Variants in DAPK1 observed in about 807,000 individuals in gnomAD.
DAPK1 encodes death associated protein kinase 1, also known as death-associated protein kinase 1.
Under a neutral mutation model 144.9 loss-of-function variants are expected in DAPK1, and 56 were observed. The observed-to-expected ratio is 0.39, with a 90% CI of 0.31 to 0.48. The LOEUF (loss-of-function observed/expected upper bound fraction) is 0.48, where lower values mean the gene tolerates loss of function less well. Ranked by LOEUF, DAPK1 falls within the 20% of genes least tolerant of loss-of-function variation. The probability of loss-of-function intolerance (pLI) is 0.95; values close to 1 mark genes in which losing one functional copy is unlikely to be tolerated. For synonymous variants in DAPK1, 690 were observed against 749.0 expected (o/e 0.92, Z 1.29); for missense variants, 1,454 against 1,875.4 (o/e 0.78, Z 4.15).
At chr9:87,650,769 T>C (rs1213170698) in intron 16 of DAPK1, among the ~76,000 whole-genome samples, 2 of 152,218 alleles carry the variant, frequency 1.3e-5, no homozygotes, top group African/African-American at 4.8e-5. Flanking sequence ...GGGGATACTT[T>C]CTGGTTGTCA....
At chr9:87,634,970 G>A (rs955212277) in intron 3 of DAPK1, among the ~76,000 whole-genome samples, 1 of 152,188 alleles carries the variant, frequency 6.6e-6, no homozygotes, top group Admixed American at 6.5e-5. Flanking sequence ...GTCGCTACAT[G>A]TCCTGGAACC....
At position 87,679,593 on chromosome 9, in the gene DAPK1, A is replaced by G. The variant is rs536336269; in HGVS notation, c.2002-1811A>G. 3.9e-5 allele frequency among the ~76,000 whole-genome samples: 6 copies of G among 152,206 alleles called. No homozygotes were observed. In the South Asian group the frequency reaches 1.2e-3, roughly 32 times the overall value. On this transcript the variant is annotated intron_variant, in intron 19 of 25. Coordinates refer to ENST00000408954, the MANE Select transcript of DAPK1 (RefSeq NM_004938.4). ...GCTCTTACTTGGTATTAGATGTGAA[A>G]TTGTTCACATGTCTGTATCTCCCCA...
At chr9:87,520,464 G>A (rs141346864) in intron 2 of DAPK1, among the ~76,000 whole-genome samples, 2 of 152,268 alleles carry the variant, frequency 1.3e-5, no homozygotes, top group East Asian at 3.9e-4. Flanking sequence ...TTGTTCTCTG[G>A]GTTGCACTTC....
chr9:87,702,231 A>G (rs1825479917), intron 24 of DAPK1, among the ~76,000 whole-genome samples: 1 of 152,220 alleles, frequency 6.6e-6, no homozygotes, highest in Non-Finnish European at 1.5e-5. Context: ...GGAGTGCGGA[A>G]TTAATGGCAC....
At chr9:87,603,984 G>A (rs1828619367) in intron 2 of DAPK1, among the ~76,000 whole-genome samples, 1 of 152,186 alleles carries the variant, frequency 6.6e-6, no homozygotes, top group Non-Finnish European at 1.5e-5. Context: ...AGCCATAAAA[G>A]GAATTTATTG....
intron 3 of DAPK1, among the ~76,000 whole-genome samples, chr9:87,615,483 C>T (rs1339239385): frequency 1.3e-5 from 2 of 152,208 alleles, no homozygotes; most frequent in African/African-American, 2.4e-5. Flanking sequence ...ACCTGGTCTT[C>T]CCTGGACGAC....
intron 2 of DAPK1, among the ~76,000 whole-genome samples, chr9:87,550,971 G>A (rs1333211256): frequency 6.6e-6 from 1 of 152,140 alleles, no homozygotes; most frequent in African/African-American, 2.4e-5. Flanking sequence ...GCTAACCTGG[G>A]GACACATGTG....
intron 3 of DAPK1, among the ~76,000 whole-genome samples, chr9:87,635,730 G>T (rs1193138622): frequency 1.3e-5 from 2 of 152,236 alleles, no homozygotes; most frequent in Non-Finnish European, 2.9e-5. Flanking sequence ...CAAGGGAAGA[G>T]GTCTTATGAC....
At chr9:87,705,111 T>A (rs1825591485) in intron 25 of DAPK1, among the ~76,000 whole-genome samples, 1 of 152,046 alleles carries the variant, frequency 6.6e-6, no homozygotes, top group East Asian at 1.9e-4. Context: ...AACATTCACA[T>A]AATGGTATAA....
At chr9:87,593,200 G>A (rs1169545232) in intron 2 of DAPK1, among the ~76,000 whole-genome samples, 1 of 152,192 alleles carries the variant, frequency 6.6e-6, no homozygotes, top group Admixed American at 6.5e-5. Flanking sequence ...CCACCCAACT[G>A]CACTAAATGC....
rs36204765 is a variant in DAPK1 at position 87,580,366 on chromosome 9, GT to G, written c.63-24586del. Among the ~76,000 whole-genome samples, 1,138 of 152,246 alleles carry G rather than the reference GT, an allele frequency of 7.5e-3. 20 individuals carry two copies. Among genetic ancestry groups the G allele is most frequent in the African/African-American group, 0.026 (1,065 of 41,542 alleles). On this transcript the variant is annotated intron_variant, in intron 2 of 25. Coordinates refer to ENST00000408954, the MANE Select transcript of DAPK1 (RefSeq NM_004938.4). ...TCCTAATCCCTGGGACCTGTGAATA[GT>G]TACCTTCTATGGTAAAAGGGATTTT...
chr9:87,623,019 G>A (rs529004310), intron 3 of DAPK1, among the ~76,000 whole-genome samples: 25 of 152,302 alleles, frequency 1.6e-4, no homozygotes, highest in Non-Finnish European at 4.4e-5. Flanking sequence ...TCAATCATTT[G>A]GCCCTGAATT....
chr9:87,553,462 G>A (rs1826571467), intron 2 of DAPK1: 1 of 151,266 alleles, frequency 6.6e-6, no homozygotes, highest in African/African-American at 2.4e-5. Context: ...GGTGCTTAGG[G>A]TGCTCAATAT....
chr9:87,627,731 G>A (rs1829538966), intron 3 of DAPK1, among the ~76,000 whole-genome samples: 1 of 152,162 alleles, frequency 6.6e-6, no homozygotes, highest in Admixed American at 6.5e-5. Flanking sequence ...GCCTTATTCT[G>A]TCATTAGCAT....
At chr9:87,519,729 G>A (rs57131239) in intron 2 of DAPK1, among the ~76,000 whole-genome samples, 3,864 of 152,262 alleles carry the variant, frequency 0.025, 171 homozygotes, top group African/African-American at 0.086. Context: ...CTTTTCCTCA[G>A]GATCTGGTCT....
chr9:87,567,812 A>G (rs1056315826), intron 2 of DAPK1, among the ~76,000 whole-genome samples: 2 of 152,094 alleles, frequency 1.3e-5, no homozygotes, highest in African/African-American at 4.8e-5. Flanking sequence ...GCATGACTCA[A>G]GGGTTCTGAG....
chr9:87,664,007 G>A (rs1189178075), intron 18 of DAPK1, among the ~76,000 whole-genome samples: 2 of 151,940 alleles, frequency 1.3e-5, no homozygotes, highest in Admixed American at 6.6e-5. Flanking sequence ...CTTAACCTTA[G>A]TCTCCTCCAG....
chr9:87,666,453 A>T (rs1196947648), intron 18 of DAPK1, among the ~76,000 whole-genome samples: 1 of 150,216 alleles, frequency 6.7e-6, no homozygotes, highest in Non-Finnish European at 1.5e-5. Flanking sequence ...TTTTTATTTT[A>T]TATATATATA....
At chr9:87,698,579 C>A in intron 22 of DAPK1, 77 bp from the exon 23 acceptor site, 2 of 880,876 alleles carry the variant, frequency 2.3e-6, no homozygotes, top group Non-Finnish European at 3.7e-6. Flanking sequence ...GAGGCCAACA[C>A]ACCGCCCTCA....
Sources: allele counts gnomAD v4.1 joint callset (sites outside exome capture counted in the v4.1 genomes callset), GRCh38; gene constraint gnomAD v4.1.1; transcripts MANE v1.5; gene names NCBI Gene and HGNC (gene_info 2026-07-23, HGNC 2026-07-21).